The following STXBP5L variants were observed in gnomAD, a reference collection of about 807,000 sequenced individuals.
STXBP5L encodes the protein syntaxin binding protein 5L.
A neutral mutation model predicts 144.5 loss-of-function variants in STXBP5L; 65 were observed. The ratio of observed to expected loss-of-function variants is 0.45; its 90% CI spans 0.37 to 0.55. STXBP5L has a LOEUF of 0.55. Among genes scored for constraint, STXBP5L ranks in the 20% least tolerant of loss-of-function variants. The probability of loss-of-function intolerance (pLI) is 0.00; values close to 1 mark genes in which losing one functional copy is unlikely to be tolerated. For synonymous variants in STXBP5L, 505 were observed against 469.6 expected (o/e 1.08, Z -0.97); for missense variants, 1,298 against 1,405.5 (o/e 0.92, Z 1.22).
intron 10 of STXBP5L, among the ~76,000 whole-genome samples, chr3:121,222,297 C>T (rs1241069297): frequency 6.6e-6 from 1 of 151,844 alleles, no homozygotes; most frequent in Non-Finnish European, 1.5e-5. Flanking sequence ...GAATCTTAAC[C>T]CCACTCTATT....
At chr3:121,387,522 G>A (rs1319358057) in intron 22 of STXBP5L, among the ~76,000 whole-genome samples, 1 of 152,144 alleles carries the variant, frequency 6.6e-6, no homozygotes, top group Admixed American at 6.5e-5. Context: ...TTCTTCTAGG[G>A]TTTTTATGGT....
At chr3:121,270,031 T>A (rs1398073666) in intron 18 of STXBP5L, among the ~76,000 whole-genome samples, 1 of 152,224 alleles carries the variant, frequency 6.6e-6, no homozygotes, top group Non-Finnish European at 1.5e-5. Flanking sequence ...TAAGAATTTT[T>A]TGCTGGAATA....
intron 20 of STXBP5L, 102 bp from the exon 21 acceptor site, chr3:121,378,614 A>T: frequency 7.8e-7 from 1 of 1,285,096 alleles, no homozygotes; most frequent in Non-Finnish European, 1.0e-6. Context: ...TTAGAAAATA[A>T]AGGAATTGTT....
chr3:121,239,530 G>GA (rs768808763), intron 13 of STXBP5L, among the ~76,000 whole-genome samples: 116 of 151,312 alleles, frequency 7.7e-4, no homozygotes, highest in Non-Finnish European at 1.6e-3. Flanking sequence ...TATGCAGCCA[G>GA]AAAAAAGATG....
intron 7 of STXBP5L, among the ~76,000 whole-genome samples, chr3:121,143,429 A>G (rs143582092): frequency 6.6e-6 from 1 of 151,870 alleles, no homozygotes; most frequent in Non-Finnish European, 1.5e-5. Context: ...AAAATCCTCA[A>G]CAAAATACTG....
intron 2 of STXBP5L, among the ~76,000 whole-genome samples, chr3:120,948,804 T>C (rs1268917182): frequency 6.6e-6 from 1 of 152,018 alleles, no homozygotes; most frequent in Non-Finnish European, 1.5e-5. Flanking sequence ...CACTCATTGG[T>C]TGATGGGCAT....
intron 20 of STXBP5L, among the ~76,000 whole-genome samples, chr3:121,360,042 A>ATTATTATT (rs2045662648): frequency 6.9e-6 from 1 of 145,184 alleles, no homozygotes; most frequent in Admixed American, 7.1e-5. Context: ...TATATAATAT[A>ATTATTATT]ATATATAGTA....
At chr3:120,998,627 G>A (rs1161931827) in intron 3 of STXBP5L, among the ~76,000 whole-genome samples, 3 of 152,180 alleles carry the variant, frequency 2.0e-5, no homozygotes, top group Middle Eastern at 3.4e-3. Context: ...GTGAGAACAC[G>A]TGGTGTTTGG....
At chr3:121,293,894 C>A (rs1357696749) in intron 19 of STXBP5L, among the ~76,000 whole-genome samples, 1 of 151,988 alleles carries the variant, frequency 6.6e-6, no homozygotes, top group Non-Finnish European at 1.5e-5. Context: ...ATAGAAGGTT[C>A]TAGGATGGTA....
intron 18 of STXBP5L, among the ~76,000 whole-genome samples, chr3:121,267,926 T>G (rs544612949): frequency 6.6e-6 from 1 of 152,302 alleles, no homozygotes; most frequent in Admixed American, 6.5e-5. Flanking sequence ...GGAGAGGATT[T>G]GGAGAAATAG....
chr3:121,343,295 G>C (rs985799759), intron 20 of STXBP5L, among the ~76,000 whole-genome samples: 19 of 151,892 alleles, frequency 1.3e-4, no homozygotes, highest in East Asian at 3.9e-4. Flanking sequence ...TTGTAGGTTG[G>C]CTGTTCACTC....
At chr3:120,975,322 A>C (rs945926099) in intron 3 of STXBP5L, among the ~76,000 whole-genome samples, 1 of 152,084 alleles carries the variant, frequency 6.6e-6, no homozygotes, top group African/African-American at 2.4e-5. Flanking sequence ...ATGGGAGTTC[A>C]CTCATGATTT....
intron 9 of STXBP5L, among the ~76,000 whole-genome samples, chr3:121,193,806 T>C (rs1170620947): frequency 1.3e-5 from 2 of 151,958 alleles, no homozygotes; most frequent in Non-Finnish European, 2.9e-5. Flanking sequence ...GGGAACATCA[T>C]GCATGGGGGC....
At chr3:121,052,252 A>T (rs578223758) in intron 5 of STXBP5L, among the ~76,000 whole-genome samples, 2 of 152,184 alleles carry the variant, frequency 1.3e-5, no homozygotes, top group Admixed American at 6.5e-5. Flanking sequence ...TCATCCTGGC[A>T]TCCAGGCTTT....
intron 20 of STXBP5L, among the ~76,000 whole-genome samples, chr3:121,335,263 T>A (rs1368193648): frequency 1.3e-5 from 2 of 151,902 alleles, no homozygotes; most frequent in African/African-American, 4.8e-5. Flanking sequence ...AGGTGAAAGA[T>A]CTCTACAATG....
At chr3:121,224,032 T>C (rs1422585237) in intron 11 of STXBP5L, among the ~76,000 whole-genome samples, 2 of 152,168 alleles carry the variant, frequency 1.3e-5, no homozygotes, top group African/African-American at 2.4e-5. Context: ...AGTATGTGTG[T>C]ATACATTACT....
chr3:121,010,589 C>T (rs932644321), intron 3 of STXBP5L, among the ~76,000 whole-genome samples: 2 of 151,518 alleles, frequency 1.3e-5, no homozygotes, highest in African/African-American at 4.8e-5. Flanking sequence ...ACTGATCTGC[C>T]ACACCGTCAA....
intron 12 of STXBP5L, among the ~76,000 whole-genome samples, chr3:121,235,670 G>C (rs2049453890): frequency 6.6e-6 from 1 of 152,022 alleles, no homozygotes; most frequent in African/African-American, 2.4e-5. Flanking sequence ...GATATATCTA[G>C]TTTAACCTCT....
At chr3:121,000,944 T>G (rs939998397) in intron 3 of STXBP5L, among the ~76,000 whole-genome samples, 12 of 152,216 alleles carry the variant, frequency 7.9e-5, no homozygotes, top group African/African-American at 2.9e-4. Context: ...ATCAAGCCTA[T>G]GGCTTTGTTC....
Sources: allele counts gnomAD v4.1 joint callset (sites outside exome capture counted in the v4.1 genomes callset), GRCh38; gene constraint gnomAD v4.1.1; transcripts MANE v1.5; gene names NCBI Gene and HGNC (gene_info 2026-07-23, HGNC 2026-07-21).